The following TLE4 variants were observed in gnomAD, a reference collection of about 807,000 sequenced individuals.
The protein encoded by TLE4 is transducin-like enhancer protein 4.
TLE4 carries 8 observed loss-of-function variants against 92.8 expected under a neutral mutation model. The ratio of observed to expected loss-of-function variants is 0.09; its 90% CI spans 0.05 to 0.16. The LOEUF is 0.16. Among genes scored for constraint, TLE4 ranks in the 10% least tolerant of loss-of-function variants. The pLI, the probability that TLE4 is intolerant of heterozygous loss-of-function variation, is 1.00. For missense variants in TLE4, 675 were observed against 997.6 expected (o/e 0.68, Z 4.36); for synonymous variants, 371 against 374.1 (o/e 0.99, Z 0.10).
At chr9:79,705,665 C>T (rs981675189) in intron 9 of TLE4, among the ~76,000 whole-genome samples, 1 of 152,208 alleles carries the variant, frequency 6.6e-6, no homozygotes, top group African/African-American at 2.4e-5. Context: ...AGGTCACCCT[C>T]TTGGTGCAGT....
intron 4 of TLE4, among the ~76,000 whole-genome samples, chr9:79,601,031 G>A (rs2045524427): frequency 6.6e-6 from 1 of 152,190 alleles, no homozygotes; most frequent in Admixed American, 6.5e-5. Flanking sequence ...CATCAGTCCA[G>A]TGGGTCAGGT....
chr9:79,591,132 T>C (rs1005077747), intron 4 of TLE4, among the ~76,000 whole-genome samples: 1 of 152,176 alleles, frequency 6.6e-6, no homozygotes, highest in Non-Finnish European at 1.5e-5. Context: ...ATCTAGTCTT[T>C]TTACTTCATT....
intron 18 of TLE4, 113 bp from the exon 19 acceptor site, chr9:79,722,846 A>AT: frequency 9.2e-7 from 1 of 1,091,304 alleles, no homozygotes; most frequent in Non-Finnish European, 1.3e-6. Flanking sequence ...AGTGAAAGTT[A>AT]TTTTTTACAA....
At chr9:79,667,298 T>C (rs2061554900) in intron 8 of TLE4, among the ~76,000 whole-genome samples, 1 of 152,188 alleles carries the variant, frequency 6.6e-6, no homozygotes, top group Non-Finnish European at 1.5e-5. Context: ...AGGGTGTTGC[T>C]CAGCCAACTG....
At chr9:79,614,533 TAGGTGA>T (rs1486851280) in intron 5 of TLE4, among the ~76,000 whole-genome samples, 2 of 152,164 alleles carry the variant, frequency 1.3e-5, no homozygotes, top group African/African-American at 4.8e-5. Context: ...GTTGTACCTG[TAGGTGA>T]AAGCCATGGG....
chr9:79,663,283 TA>T (rs1480827661), intron 8 of TLE4, among the ~76,000 whole-genome samples: 2 of 152,236 alleles, frequency 1.3e-5, no homozygotes, highest in African/African-American at 4.8e-5. Context: ...AGTTGTCTGG[TA>T]AGCCTCTGAG....
At chr9:79,709,326 A>C (rs923963202) in intron 13 of TLE4, among the ~76,000 whole-genome samples, 48 of 152,286 alleles carry the variant, frequency 3.2e-4, no homozygotes, top group African/African-American at 1.2e-3. Flanking sequence ...AATTTTGGAA[A>C]CTTCAAACCT....
intron 3 of TLE4, 89 bp from the exon 4 acceptor site, chr9:79,576,044 T>C (rs1288944161): frequency 1.2e-6 from 1 of 852,834 alleles, no homozygotes; most frequent in African/African-American, 1.7e-5. Context: ...CTTTTATGTT[T>C]GTTTCAGATT....
intron 6 of TLE4, among the ~76,000 whole-genome samples, chr9:79,648,227 CAG>C: frequency 6.6e-6 from 1 of 152,184 alleles, no homozygotes; most frequent in Middle Eastern, 3.4e-3. Context: ...TCAGTAGTAT[CAG>C]AGTTTTGTAT....
At chr9:79,651,173 T>G (rs1328317868) in intron 6 of TLE4, among the ~76,000 whole-genome samples, 1 of 152,092 alleles carries the variant, frequency 6.6e-6, no homozygotes, top group Non-Finnish European at 1.5e-5. Context: ...GTGATTTCTT[T>G]AAAGGCAAAA....
chr9:79,638,877 A>G (rs1361280509), intron 6 of TLE4, among the ~76,000 whole-genome samples: 1 of 152,118 alleles, frequency 6.6e-6, no homozygotes, highest in African/African-American at 2.4e-5. Context: ...ATAGATGTCG[A>G]GGCAGGCTTT....
intron 8 of TLE4, among the ~76,000 whole-genome samples, chr9:79,687,958 C>A (rs2066235067): frequency 6.6e-6 from 1 of 152,132 alleles, no homozygotes; most frequent in South Asian, 2.1e-4. Context: ...TTCTAACAAG[C>A]CCTCAGGAGA....
At chr9:79,659,362 C>T (rs1393916399) in intron 8 of TLE4, among the ~76,000 whole-genome samples, 2 of 151,920 alleles carry the variant, frequency 1.3e-5, no homozygotes, top group Admixed American at 6.6e-5. Flanking sequence ...CTCCTGTGTA[C>T]TTCAATATGC....
At chr9:79,680,020 C>A (rs1564859845) in intron 8 of TLE4, among the ~76,000 whole-genome samples, 1 of 151,968 alleles carries the variant, frequency 6.6e-6, no homozygotes, top group African/African-American at 2.4e-5. Flanking sequence ...GTTACTGTAG[C>A]CTTGTAGTAT....
Position 79,725,196 on chromosome 9 carries a change from G to C in TLE4, c.*52G>C. On this transcript the variant is annotated 3_prime_UTR_variant, in exon 20 of 20. Coordinates refer to ENST00000376552, the MANE Select transcript of TLE4 (RefSeq NM_007005.6). ...TCTCCTCCTGGTAGCACTTTGCTCTGTCATCCTTTTTGTTCACCCCCATCC... is the reference window on the plus strand; with the variant it reads ...TCTCCTCCTGGTAGCACTTTGCTCTCTCATCCTTTTTGTTCACCCCCATCC... 1 of 1,387,404 alleles carries C rather than the reference G, an allele frequency of 7.2e-7. No individual in the cohort carries two copies. The highest frequency in any genetic ancestry group is 1.2e-5 in the South Asian group (1 of 85,098). 85.9% of individuals were successfully genotyped at this position (1,387,404 alleles called of 1,614,324 possible).
At chr9:79,643,767 C>A (rs1470053848) in intron 6 of TLE4, among the ~76,000 whole-genome samples, 1 of 152,168 alleles carries the variant, frequency 6.6e-6, no homozygotes, top group African/African-American at 2.4e-5. Context: ...ACCTGTTTCC[C>A]TGCAACTTTT....
In TLE4 at chr9:79,573,628, C is replaced by T. The variant is rs975795869; in HGVS notation, c.46-61C>T. 5.0e-6 allele frequency: 7 copies of T among 1,392,858 alleles called. No individual in the cohort carries two copies. In the African/African-American group the frequency reaches 7.2e-5, roughly 14 times the overall value. 86.3% of individuals were successfully genotyped at this position (1,392,858 alleles called of 1,614,324 possible). On this transcript the variant is annotated intron_variant, in intron 1 of 19. Coordinates refer to ENST00000376552, the MANE Select transcript of TLE4 (RefSeq NM_007005.6). ...CCGCTAACGCCGCATAGTAGGTTTT[C>T]TCCGTCTCCCTGCTTCGCCTGTGAT...
At chr9:79,599,614 A>G (rs2045056242) in intron 4 of TLE4, among the ~76,000 whole-genome samples, 1 of 152,228 alleles carries the variant, frequency 6.6e-6, no homozygotes, top group East Asian at 1.9e-4. Context: ...AAGATGTACA[A>G]CGAACACTAT....
Position 79,720,316 on chromosome 9 carries a change from C to G in TLE4, c.1838+23C>G, listed in dbSNP as rs200551442. ...GAGGTAGGTTAGCAGGATCTGTTACCAGGTTGTGAGGAGGAGCCGATTTTA... is the reference window on the plus strand; with the variant it reads ...GAGGTAGGTTAGCAGGATCTGTTACGAGGTTGTGAGGAGGAGCCGATTTTA... On this transcript the variant is annotated intron_variant, in intron 16 of 19. Transcript: ENST00000376552. 6 of 1,597,344 alleles carry G rather than the reference C, an allele frequency of 3.8e-6. No individual in the cohort carries two copies. In the East Asian group the frequency reaches 1.3e-4, roughly 36 times the overall value.
Sources: gnomAD v4.1 joint callset for allele counts (sites outside exome capture counted in the v4.1 genomes callset) on GRCh38, gnomAD v4.1.1 for gene constraint, MANE v1.5 for transcripts, NCBI Gene and HGNC (gene_info 2026-07-23, HGNC 2026-07-21) for gene names.